The following ADGRD1 variants were observed in gnomAD, a reference collection of about 807,000 sequenced individuals.
ADGRD1 encodes the protein adhesion G protein-coupled receptor D1.
Under a neutral mutation model 113.4 loss-of-function variants are expected in ADGRD1, and 77 were observed. That is an observed-to-expected ratio of 0.68 (90% confidence interval 0.57 to 0.82). The LOEUF is 0.82. Ranked by LOEUF, ADGRD1 falls within the 40% of genes least tolerant of loss-of-function variation. The pLI is 0.00. For missense variants in ADGRD1, 1,036 were observed against 1,139.1 expected (o/e 0.91, Z 1.30); for synonymous variants, 474 against 475.0 (o/e 1.00, Z 0.03).
At chr12:131,102,389 C>T (rs970152099) in intron 15 of ADGRD1, among the ~76,000 whole-genome samples, 4 of 152,218 alleles carry the variant, frequency 2.6e-5, no homozygotes, top group Admixed American at 6.5e-5. Context: ...CAAACATACT[C>T]GGCAGGTGAC....
At position 131,084,768 on chromosome 12, in the gene ADGRD1, A is replaced by ACTGG; in HGVS notation, c.1671+106_1671+107insTGGC. The ACTGG allele has an allele frequency of 8.3e-7, 1 of 1,210,168 alleles. No homozygotes were observed. The highest frequency in any genetic ancestry group is 1.5e-5 in the African/African-American group (1 of 66,620). 75.0% of individuals were successfully genotyped at this position (1,210,168 alleles called of 1,614,324 possible). On this transcript the variant is annotated intron_variant, in intron 15 of 24. Transcript: ENST00000261654. The surrounding 1 kb of genome is among the most constrained non-coding windows in gnomAD (Gnocchi z 4.5). ...CCGCCAGTGCCCACGGGCCCTGGGC[A>ACTGG]CATTACTCCATGGGGCCTGTGTTTA...
At chr12:131,054,713 C>T (rs1883703368) in intron 13 of ADGRD1, among the ~76,000 whole-genome samples, 1 of 152,228 alleles carries the variant, frequency 6.6e-6, no homozygotes, top group South Asian at 2.1e-4. Flanking sequence ...CTCTCCTCTC[C>T]GGTCACTGGT....
Position 131,136,230 on chromosome 12 carries a change from T to TAGGGCTGCAGGGGCAGGAGGG in ADGRD1, c.2394+71_2394+91dup, listed in dbSNP as rs1253591649. On this transcript the variant is annotated intron_variant, in intron 22 of 24. Transcript: ENST00000261654. ...CATCAGGAGCAGGCTTGCAGGGAGC[T>TAGGGCTGCAGGGGCAGGAGGG]AGGGCTGCAGGGGCAGGAGGGAGGC... 172 of 1,584,404 alleles carry TAGGGCTGCAGGGGCAGGAGGG rather than the reference T, an allele frequency of 1.1e-4. No homozygotes were observed. The East Asian group carries it at 3.8e-3, about 35-fold the overall frequency.
At position 131,120,918 on chromosome 12, in the gene ADGRD1, G is replaced by A. The variant is rs747164456; in HGVS notation, c.2175+5G>A. The A allele has an allele frequency of 9.3e-6, 15 of 1,613,560 alleles. No individual in the cohort carries two copies. The highest frequency in any genetic ancestry group is 1.2e-5 in the Non-Finnish European group (14 of 1,179,694). On this transcript the variant is annotated splice_donor_5th_base_variant and intron_variant, in intron 20 of 24. Coordinates refer to ENST00000261654, the MANE Select transcript of ADGRD1 (RefSeq NM_198827.5). ...CCTGCCCTGTTTGTCATCGTGGTAC[G>A]TTTCCTACCCTTGTGGGCGCAGAGC...
chr12:131,067,236 C>T lies in ADGRD1; in HGVS notation c.1474-9565C>T, dbSNP rs140909891. On this transcript the variant is annotated intron_variant, in intron 13 of 24. Coordinates refer to ENST00000261654, the MANE Select transcript of ADGRD1 (RefSeq NM_198827.5). ...ATGCTCCGTTTGGGAGGCCTGTGGA[C>T]GCCCAGGTGGGGAAGCTGCATTGGT... is the stretch of plus-strand genomic sequence containing the variant. Among the ~76,000 whole-genome samples the T allele has an allele frequency of 7.6e-3, 1,153 of 152,240 alleles. 23 individuals are homozygous for T. The highest frequency in any genetic ancestry group is 0.025 in the African/African-American group (1,057 of 41,536).
chr12:131,101,317 C>T (rs1950068207), intron 15 of ADGRD1, among the ~76,000 whole-genome samples: 1 of 150,460 alleles, frequency 6.6e-6, no homozygotes, highest in Non-Finnish European at 1.5e-5. Flanking sequence ...CCTTTACTAG[C>T]AGTGTTTCCA....
In ADGRD1 at chr12:131,091,246, C is replaced by T. The variant is rs923619221; in HGVS notation, c.1671+6583C>T. ...GAACAGACCCTGTAACTTCTCAGTA[C>T]ACCCATGAGAATCTATGTCAGAGAA... On this transcript the variant is annotated intron_variant, in intron 15 of 24. Transcript: ENST00000261654. 6.6e-5 allele frequency among the ~76,000 whole-genome samples: 10 copies of T among 152,200 alleles called. No individual in the cohort carries two copies. In the South Asian group the frequency reaches 1.9e-3, roughly 28 times the overall value.
intron 15 of ADGRD1, among the ~76,000 whole-genome samples, chr12:131,089,280 T>G (rs1886734794): frequency 1.3e-5 from 2 of 152,138 alleles, no homozygotes. Context: ...GACCATGGGT[T>G]AAAAAGGAGC....
At chr12:131,116,286 C>T (rs945034165) in intron 18 of ADGRD1, among the ~76,000 whole-genome samples, 2 of 152,236 alleles carry the variant, frequency 1.3e-5, no homozygotes, top group East Asian at 3.8e-4. Context: ...CAAAGGCCCA[C>T]AGTCACTGCT....
chr12:131,012,073 G>A (rs1225183007), intron 12 of ADGRD1, among the ~76,000 whole-genome samples: 1 of 152,132 alleles, frequency 6.6e-6, no homozygotes, highest in Admixed American at 6.5e-5. Context: ...TGTTCTTCCG[G>A]GGAAACATCT....
chr12:130,987,370 G>A (rs762710525), intron 6 of ADGRD1, 21 bp downstream of exon 6: 5 of 1,612,742 alleles, frequency 3.1e-6, no homozygotes, highest in South Asian at 1.1e-5. Context: ...GTGAAGGGCT[G>A]GGGCAGATCC....
intron 15 of ADGRD1, among the ~76,000 whole-genome samples, chr12:131,089,851 G>A (rs1465968364): frequency 6.6e-6 from 1 of 152,270 alleles, no homozygotes; most frequent in Non-Finnish European, 1.5e-5. Flanking sequence ...AATCCCGAAT[G>A]TTGGGGTTGT....
At chr12:131,077,492 C>T (rs900368574) in intron 14 of ADGRD1, among the ~76,000 whole-genome samples, 7 of 152,210 alleles carry the variant, frequency 4.6e-5, no homozygotes, top group Admixed American at 4.6e-4. Flanking sequence ...TGCCCAATGT[C>T]TGGGGGATCT....
chr12:131,037,256 C>T (rs962393977), intron 13 of ADGRD1, among the ~76,000 whole-genome samples: 1 of 148,330 alleles, frequency 6.7e-6, no homozygotes, highest in African/African-American at 2.5e-5. Flanking sequence ...GAGCCTCACT[C>T]ACTACACCAG....
intron 12 of ADGRD1, among the ~76,000 whole-genome samples, chr12:131,009,316 G>T (rs944425566): frequency 2.0e-5 from 3 of 152,248 alleles, no homozygotes; most frequent in Non-Finnish European, 2.9e-5. Flanking sequence ...CTGTGGTTTC[G>T]ATTGCAAGGG....
chr12:131,134,150 G>A (rs893317597), intron 21 of ADGRD1, among the ~76,000 whole-genome samples: 1 of 152,262 alleles, frequency 6.6e-6, no homozygotes, highest in South Asian at 2.1e-4. Context: ...GCGGGGGCGT[G>A]AGGGTGAGAC....
intron 13 of ADGRD1, among the ~76,000 whole-genome samples, chr12:131,068,300 GA>G (rs1287296265): frequency 1.3e-5 from 2 of 152,218 alleles, no homozygotes; most frequent in Non-Finnish European, 2.9e-5. Flanking sequence ...GGTGGCGCTG[GA>G]ATGGTCAACT....
At chr12:131,016,580 G>A (rs1022809305) in intron 13 of ADGRD1, among the ~76,000 whole-genome samples, 6 of 152,218 alleles carry the variant, frequency 3.9e-5, no homozygotes, top group Admixed American at 2.6e-4. Context: ...GTGCTGCCCC[G>A]CGGCGTGTCA....
chr12:131,031,759 C>T (rs892377763), intron 13 of ADGRD1, among the ~76,000 whole-genome samples: 1 of 152,144 alleles, frequency 6.6e-6, no homozygotes, highest in Non-Finnish European at 1.5e-5. Context: ...ACCTTGTCTC[C>T]CCAAAACCTC....
Sources: allele counts gnomAD v4.1 joint callset (sites outside exome capture counted in the v4.1 genomes callset), GRCh38; gene constraint gnomAD v4.1.1; non-coding constraint Gnocchi (gnomAD v3.1); transcripts MANE v1.5; gene names NCBI Gene and HGNC (gene_info 2026-07-23, HGNC 2026-07-21).